The following CDH10 variants were observed in gnomAD, a reference collection of about 807,000 sequenced individuals.
The protein encoded by CDH10 is cadherin-10.
CDH10 carries 30 observed loss-of-function variants against 73.1 expected under a neutral mutation model. That is an observed-to-expected ratio of 0.41 (90% CI 0.31 to 0.56). The LOEUF is 0.56. CDH10 is among the 20% of genes least tolerant of loss of function. The pLI is 0.27. For missense variants in CDH10, 815 were observed against 973.7 expected (o/e 0.84, Z 2.17); for synonymous variants, 345 against 348.2 (o/e 0.99, Z 0.10).
At chr5:24,526,678 T>A (rs545192510) in intron 5 of CDH10, among the ~76,000 whole-genome samples, 1 of 151,924 alleles carries the variant, frequency 6.6e-6, no homozygotes, top group Non-Finnish European at 1.5e-5. Flanking sequence ...ATTCCTCTTC[T>A]CTTCAGCATT....
chr5:24,563,545 G>A (rs1374167659), intron 2 of CDH10, among the ~76,000 whole-genome samples: 1 of 143,822 alleles, frequency 7.0e-6, no homozygotes, highest in East Asian at 2.1e-4. Context: ...CACGAGGTCA[G>A]GAGATGGAGA....
chr5:24,553,481 A>T (rs371255940), intron 2 of CDH10, among the ~76,000 whole-genome samples: 11 of 151,262 alleles, frequency 7.3e-5, no homozygotes, highest in African/African-American at 2.4e-4. Context: ...ACTGTCCCTG[A>T]CTCCTACTTT....
intron 2 of CDH10, among the ~76,000 whole-genome samples, chr5:24,556,713 T>C (rs527509262): frequency 2.6e-5 from 4 of 151,522 alleles, no homozygotes; most frequent in Admixed American, 2.0e-4. Flanking sequence ...GACTAGAGAA[T>C]TATAAGAAAC....
At chr5:24,598,552 A>T (rs1303484501) in intron 1 of CDH10, among the ~76,000 whole-genome samples, 1 of 151,578 alleles carries the variant, frequency 6.6e-6, no homozygotes, top group East Asian at 1.9e-4. Context: ...AAAAAAAAAA[A>T]GGTGGACCAT....
intron 2 of CDH10, among the ~76,000 whole-genome samples, chr5:24,542,518 C>A (rs1455588203): frequency 1.3e-5 from 2 of 152,118 alleles, no homozygotes; most frequent in African/African-American, 2.4e-5. Flanking sequence ...GCAATAGGCC[C>A]TACCATATAG....
chr5:24,626,200 T>C (rs76434808), intron 1 of CDH10, among the ~76,000 whole-genome samples: 1 of 152,202 alleles, frequency 6.6e-6, no homozygotes, highest in East Asian at 1.9e-4. Context: ...TTGACGACTA[T>C]GTGAATAGGC....
chr5:24,620,238 C>T (rs1747267187), intron 1 of CDH10, among the ~76,000 whole-genome samples: 1 of 152,066 alleles, frequency 6.6e-6, no homozygotes, highest in South Asian at 2.1e-4. Context: ...TTCTGACGTC[C>T]TTTTGTGAGC....
intron 2 of CDH10, among the ~76,000 whole-genome samples, chr5:24,581,879 A>G (rs1179232214): frequency 6.6e-6 from 1 of 152,178 alleles, no homozygotes; most frequent in African/African-American, 2.4e-5. Context: ...GATCTAAAAA[A>G]ACTTAATTAC....
At chr5:24,575,429 TG>T (rs1211967892) in intron 2 of CDH10, among the ~76,000 whole-genome samples, 1 of 151,844 alleles carries the variant, frequency 6.6e-6, no homozygotes. Flanking sequence ...AGTAGTTTAT[TG>T]TTTCCATCTT....
At chr5:24,510,773 G>A (rs565296254) in intron 6 of CDH10, among the ~76,000 whole-genome samples, 5 of 152,136 alleles carry the variant, frequency 3.3e-5, no homozygotes, top group Non-Finnish European at 7.4e-5. Context: ...TTCTCATAAT[G>A]ATGGCACTTA....
intron 1 of CDH10, among the ~76,000 whole-genome samples, chr5:24,632,388 T>A (rs916635392): frequency 6.6e-6 from 1 of 152,086 alleles, no homozygotes; most frequent in Non-Finnish European, 1.5e-5. Flanking sequence ...AAATGCTTTA[T>A]ATATTCATTT....
chr5:24,533,102 A>C (rs1007267132), intron 5 of CDH10, among the ~76,000 whole-genome samples: 3 of 152,070 alleles, frequency 2.0e-5, no homozygotes, highest in Non-Finnish European at 2.9e-5. Flanking sequence ...TCCATCTATA[A>C]TTTGAAAATA....
chr5:24,498,747 C>G (rs1742383787), intron 8 of CDH10, among the ~76,000 whole-genome samples: 1 of 152,060 alleles, frequency 6.6e-6, no homozygotes. Context: ...TTTGGAAAAT[C>G]ATGTTAAAAG....
At chr5:24,630,762 G>A (rs1432169427) in intron 1 of CDH10, among the ~76,000 whole-genome samples, 1 of 151,880 alleles carries the variant, frequency 6.6e-6, no homozygotes, top group Non-Finnish European at 1.5e-5. Context: ...AATTACAAGA[G>A]AGGCAGAGAA....
intron 8 of CDH10, 87 bp from the exon 9 acceptor site, chr5:24,498,606 G>A: frequency 1.2e-6 from 1 of 809,094 alleles, no homozygotes; most frequent in Non-Finnish European, 2.1e-6. Context: ...GGTATGAAGT[G>A]CTCACATACA....
chr5:24,529,701 T>C (rs1743659032), intron 5 of CDH10, among the ~76,000 whole-genome samples: 1 of 151,596 alleles, frequency 6.6e-6, no homozygotes. Context: ...TATGAGAGAG[T>C]CACTCAATCA....
At chr5:24,613,056 A>T (rs999360739) in intron 1 of CDH10, 18 of 152,120 alleles carry the variant, frequency 1.2e-4, no homozygotes, top group African/African-American at 4.3e-4. Context: ...ATCTAGGATA[A>T]TTCTAGAGTA....
At chr5:24,545,229 T>C (rs1458391284) in intron 2 of CDH10, among the ~76,000 whole-genome samples, 3 of 152,190 alleles carry the variant, frequency 2.0e-5, no homozygotes, top group Non-Finnish European at 4.4e-5. Context: ...CATTGAACGT[T>C]TTTACACCTT....
At chr5:24,535,862 GA>G in intron 3 of CDH10, 40 bp from the exon 4 acceptor site, 1 of 1,484,564 alleles carries the variant, frequency 6.7e-7, no homozygotes, top group East Asian at 2.3e-5. Flanking sequence ...CACAGTACCA[GA>G]AGGAGGAGCA....
Sources: allele counts gnomAD v4.1 joint callset (sites outside exome capture counted in the v4.1 genomes callset), GRCh38; gene constraint gnomAD v4.1.1; transcripts MANE v1.5; gene names NCBI Gene and HGNC (gene_info 2026-07-23, HGNC 2026-07-21).